The following TBX3 variants were observed in gnomAD, a reference collection of about 807,000 sequenced individuals.
The protein encoded by TBX3 is T-box transcription factor 3.
TBX3 carries 11 observed loss-of-function variants against 47.8 expected under a neutral mutation model. That is an observed-to-expected ratio of 0.23 (90% CI 0.14 to 0.38). The LOEUF (loss-of-function observed/expected upper bound fraction) is 0.38. Among genes scored for constraint, TBX3 ranks in the 10% least tolerant of loss-of-function variants. The pLI is 1.00. For synonymous variants in TBX3, 500 were observed against 449.3 expected (o/e 1.11, Z -1.43); for missense variants, 927 against 1,022.8 (o/e 0.91, Z 1.28).
chr12:114,672,436 G>GTTTT, intron 6 of TBX3, 134 bp from the exon 7 acceptor site: 1 of 421,014 alleles, frequency 2.4e-6, no homozygotes, highest in East Asian at 4.8e-5. Context: ...TTGTTGTTGT[G>GTTTT]TTTTTTTTTT....
chr12:114,672,326 A>C, intron 6 of TBX3, 24 bp from the exon 7 acceptor site: 4 of 1,510,292 alleles, frequency 2.6e-6, no homozygotes, highest in Non-Finnish European at 3.5e-6. Context: ...AGAGACACAC[A>C]GCGAGTCAGC....
At chr12:114,674,978 C>T in intron 5 of TBX3, 143 bp from the exon 6 acceptor site, 1 of 1,096,042 alleles carries the variant, frequency 9.1e-7, no homozygotes, top group East Asian at 2.6e-5. Context: ...CCTCTCTGCA[C>T]CTCAGTGTTG....
At chr12:114,672,582 G>C (rs1282592008) in intron 6 of TBX3, among the ~76,000 whole-genome samples, 3 of 151,994 alleles carry the variant, frequency 2.0e-5, no homozygotes, top group Admixed American at 1.3e-4. Context: ...AGAAAAAACA[G>C]GGAAATCATA....
In TBX3 at chr12:114,672,195, G is replaced by A. The variant is rs954634731; in HGVS notation, c.1818C>T (p.His606=). 6.4e-7 allele frequency: 1 copy of A among 1,572,290 alleles called. No individual in the cohort carries two copies. The highest frequency in any genetic ancestry group is 8.6e-7 in the Non-Finnish European group (1 of 1,159,594). The change falls in exon 7 of 7, where the codon CAC becomes CAT. Residue 606 remains histidine, a synonymous_variant. Coordinates refer to ENST00000349155, the MANE Select transcript of TBX3 (RefSeq NM_005996.4). ...SAAASSSVHR[H]PFLNLNTMRP... ...GCATGGTGTTCAGATTGAGGAAGGGGTGGCGGTGCACCGAGCTGGAGGCTG... is the reference window on the plus strand; with the variant it reads ...GCATGGTGTTCAGATTGAGGAAGGGATGGCGGTGCACCGAGCTGGAGGCTG...
chr12:114,674,734 C>G lies in TBX3; in HGVS notation c.1141G>C (p.Glu381Gln). Residue 381 changes from glutamate (E) to glutamine (Q), a missense_variant, in exon 6 of 7, where the codon GAG becomes CAG. By Grantham distance (29) the Glu-to-Gln change is conservative (BLOSUM62 2). This residue lies in a region of TBX3 where 623 missense variants were observed against 569.0 expected (regional missense o/e 1.09). Coordinates refer to ENST00000349155, the MANE Select transcript of TBX3 (RefSeq NM_005996.4). ...DAAKISTTTS[E>Q]EPCRDKGSPA... ...CTGCCCTTGTCACGGCAGGGCTCCT[C>G]CGACGTGGTGGTGGAGATCTTGGCC... 3 of 1,597,640 alleles carry G rather than the reference C, an allele frequency of 1.9e-6. No individual in the cohort carries two copies. The highest frequency in any genetic ancestry group is 2.6e-6 in the Non-Finnish European group (3 of 1,176,192).
intron 4 of TBX3, 98 bp from the exon 5 acceptor site, chr12:114,676,568 C>A: frequency 3.4e-6 from 5 of 1,492,448 alleles, no homozygotes; most frequent in Non-Finnish European, 3.7e-6. Flanking sequence ...ATACCTCACA[C>A]CCTGCCTGCT....
chr12:114,681,281 G>C, intron 1 of TBX3, 135 bp from the exon 2 acceptor site: 1 of 1,270,516 alleles, frequency 7.9e-7, no homozygotes, highest in Non-Finnish European at 1.1e-6. Flanking sequence ...ACATGTTTCA[G>C]AGTGAGGCAA....
Position 114,684,071 on chromosome 12 carries a change from G to GGGGAGAGAGA in TBX3, c.-872_-871insTCTCTCTCCC, listed in dbSNP as rs1555208533. The GGGGAGAGAGA allele has an allele frequency of 2.8e-5, 6 of 212,164 alleles. No individual in the cohort carries two copies. Among genetic ancestry groups the GGGGAGAGAGA allele is most frequent in the African/African-American group, 1.4e-4 (6 of 43,018 alleles). The allele number at this position is 212,164 out of a possible 1,614,324, so 13.1% of individuals were successfully genotyped here. A position where few individuals can be genotyped will look rare whatever the true frequency, so the allele number is the denominator to read the frequency against. ...TGGAACAGAGGGAAAGAGAGGGAGG[G>GGGGAGAGAGA]GAGAGAGAGAGAGAGAGAGAGAGAC... On this transcript the variant is annotated 5_prime_UTR_variant, in exon 1 of 7. Coordinates refer to ENST00000349155, the MANE Select transcript of TBX3 (RefSeq NM_005996.4).
intron 2 of TBX3, chr12:114,680,045 G>A (rs1377083922): frequency 8.0e-6 from 12 of 1,495,342 alleles, no homozygotes; most frequent in East Asian, 2.3e-5. Flanking sequence ...ACTAATTGAC[G>A]AGCCCAATCC....
rs1047053407 is a variant in TBX3, at chr12:114,674,420, C to T, written c.1455G>A (p.Pro485=). 1 of 1,549,762 alleles carries T rather than the reference C, an allele frequency of 6.5e-7. No individual in the cohort carries two copies. Among genetic ancestry groups the T allele is most frequent in the Non-Finnish European group, 8.7e-7 (1 of 1,146,928 alleles). ...TGAAGAACTGTTGGCCCGCCAGGCC[C>T]GGGGCGAAGCCGAGGCCAGGCAGGG... is the stretch of plus-strand genomic sequence containing the variant. ...QGPLPGLGFA[P]GLAGQQFFNG... Residue 485 remains proline (P), a synonymous_variant, in exon 6 of 7, where the codon CCG becomes CCA. Transcript: ENST00000349155.
chr12:114,677,953 C>G (rs565212215), intron 3 of TBX3, among the ~76,000 whole-genome samples: 1 of 151,332 alleles, frequency 6.6e-6, no homozygotes, highest in African/African-American at 2.4e-5. Flanking sequence ...ACCTGTAGAT[C>G]TTAAAATTAT....
chr12:114,674,494 G>A lies in TBX3; in HGVS notation c.1381C>T (p.Pro461Ser), dbSNP rs537957080. Residue 461 changes from proline (P) to serine (S), a missense_variant, in exon 6 of 7, where the codon CCG (proline) becomes TCG (serine). Physicochemically the swap from Pro to Ser is moderately conservative, Grantham distance 74. This residue lies in a region of TBX3 where 623 missense variants were observed against 569.0 expected (regional missense o/e 1.09). Coordinates refer to ENST00000349155, the MANE Select transcript of TBX3 (RefSeq NM_005996.4). ...RALPGKEAFAPLTVQTDAAAA... is the reference protein window; with the variant it reads ...RALPGKEAFASLTVQTDAAAA... ...GCCGCGTCCGTCTGCACCGTGAGCG[G>A]CGCGAAGGCCTCCTTGCCCGGGAGC... is the stretch of plus-strand genomic sequence containing the variant. 102 of 1,519,546 alleles carry A rather than the reference G, an allele frequency of 6.7e-5. No homozygotes were observed. The African/African-American group carries it at 1.3e-3, about 20-fold the overall frequency. The allele number at this position is 1,519,546 out of a possible 1,614,324, so 94.1% of individuals were successfully genotyped here.
intron 5 of TBX3, among the ~76,000 whole-genome samples, chr12:114,675,044 G>A (rs1269535375): frequency 6.6e-6 from 1 of 152,154 alleles, no homozygotes; most frequent in Non-Finnish European, 1.5e-5. Context: ...AATTCAATAA[G>A]CGATTATGAA....
rs769533777 is a variant in TBX3, at chr12:114,674,754, T to G, written c.1121A>C (p.Lys374Thr). 10 of 1,592,978 alleles carry G rather than the reference T, an allele frequency of 6.3e-6. No individual in the cohort carries two copies. The South Asian group carries it at 1.0e-4, about 16-fold the overall frequency. The change falls in exon 6 of 7, where the codon AAG becomes ACG. Residue 374 changes from lysine to threonine, a missense_variant. Physicochemically the swap from Lys to Thr is moderately conservative, Grantham distance 78. Coordinates refer to ENST00000349155, the MANE Select transcript of TBX3 (RefSeq NM_005996.4). ...CTCCTCCGACGTGGTGGTGGAGATCTTGGCCGCGTCGCAGGCCTCGGGGCC... is the reference window on the plus strand; with the variant it reads ...CTCCTCCGACGTGGTGGTGGAGATCGTGGCCGCGTCGCAGGCCTCGGGGCC... Reference protein sequence around the residue: ...EHGPEACDAAKISTTTSEEPC... With the variant: ...EHGPEACDAATISTTTSEEPC...
chr12:114,680,017 T>G, intron 2 of TBX3: 1 of 1,606,638 alleles, frequency 6.2e-7, no homozygotes, highest in East Asian at 2.2e-5. Flanking sequence ...ACAAAATGAT[T>G]CAGTACTTTA....
chr12:114,670,663 A>G lies in TBX3; in HGVS notation c.*1178T>C, dbSNP rs1202178423. Reference sequence around the variant, plus strand: ...AAAATAGGAAATAGCACTTTCCCCCACTTTTGGACATTAAAAAAGAAAACA... The same window carrying G: ...AAAATAGGAAATAGCACTTTCCCCCGCTTTTGGACATTAAAAAAGAAAACA... On this transcript the variant is annotated 3_prime_UTR_variant, in exon 7 of 7. Transcript: ENST00000349155. 1 of 214,500 alleles carries G rather than the reference A, an allele frequency of 4.7e-6. No homozygotes were observed. Among genetic ancestry groups the G allele is most frequent in the East Asian group, 7.1e-5 (1 of 14,082 alleles). 13.3% of individuals were successfully genotyped at this position (214,500 alleles called of 1,614,324 possible).
Position 114,674,154 on chromosome 12 carries a change from A to C in TBX3, c.1710+11T>G. ...GGAAAGACTGGTGGAGGCAGGAAGAAGGATCCATACCTGAGAGGCCAGGAC... is the reference window on the plus strand; with the variant it reads ...GGAAAGACTGGTGGAGGCAGGAAGACGGATCCATACCTGAGAGGCCAGGAC... On this transcript the variant is annotated intron_variant, in intron 6 of 6. Transcript: ENST00000349155. 2 of 1,579,004 alleles carry C rather than the reference A, an allele frequency of 1.3e-6. No individual in the cohort carries two copies. Among genetic ancestry groups the C allele is most frequent in the Non-Finnish European group, 1.7e-6 (2 of 1,164,240 alleles).
rs370501220 is a variant in TBX3, at chr12:114,672,319, G to A, written c.1711-17C>T. 5.3e-6 allele frequency: 8 copies of A among 1,519,316 alleles called. No homozygotes were observed. The African/African-American group carries it at 8.4e-5, about 16-fold the overall frequency. 94.1% of individuals were successfully genotyped at this position (1,519,316 alleles called of 1,614,324 possible). ...GGCCAGGCCCTGGGGTGAGAAAAGA[G>A]ACACACAGCGAGTCAGCCGGGTGGG... On this transcript the variant is annotated splice_polypyrimidine_tract_variant and intron_variant, in intron 6 of 6. Transcript: ENST00000349155.
chr12:114,675,810 G>A lies in TBX3; in HGVS notation c.1039+503C>T, dbSNP rs114027932. 7.4e-3 allele frequency among the ~76,000 whole-genome samples: 1,098 copies of A among 147,688 alleles called. 7 individuals carry two copies. Among genetic ancestry groups the A allele is most frequent in the African/African-American group, 0.026 (1,042 of 39,660 alleles). Reference sequence around the variant, plus strand: ...CCCCAGTGCTCCACCTCCTCTCCCAGGTCAATTGTTGCTTTATAGCTGGAT... The same window carrying A: ...CCCCAGTGCTCCACCTCCTCTCCCAAGTCAATTGTTGCTTTATAGCTGGAT... On this transcript the variant is annotated intron_variant, in intron 5 of 6. Coordinates refer to ENST00000349155, the MANE Select transcript of TBX3 (RefSeq NM_005996.4).
Sources: gnomAD v4.1 joint callset for allele counts (sites outside exome capture counted in the v4.1 genomes callset) on GRCh38, gnomAD v4.1.1 for gene constraint, gnomAD v4.1.1 regional missense constraint, MANE v1.5 for transcripts, NCBI Gene and HGNC (gene_info 2026-07-23, HGNC 2026-07-21) for gene names.